The following CARMIL1 variants were observed in gnomAD, a reference collection of about 807,000 sequenced individuals.
CARMIL1 encodes F-actin-uncapping protein LRRC16A.
Under a neutral mutation model 177.1 loss-of-function variants are expected in CARMIL1, and 90 were observed. That is an observed-to-expected ratio of 0.51 (90% CI 0.43 to 0.61). The LOEUF is 0.61. CARMIL1 is among the 20% of genes least tolerant of loss of function. The pLI is 0.00. For synonymous variants in CARMIL1, 577 were observed against 606.2 expected (o/e 0.95, Z 0.71); for missense variants, 1,380 against 1,667.0 (o/e 0.83, Z 3.00).
intron 24 of CARMIL1, among the ~76,000 whole-genome samples, chr6:25,531,694 T>C (rs949043499): frequency 5.9e-5 from 9 of 152,252 alleles, no homozygotes; most frequent in African/African-American, 2.2e-4. Context: ...TAGTATTTTA[T>C]GGTTTACTAT....
intron 36 of CARMIL1, among the ~76,000 whole-genome samples, chr6:25,618,045 G>GT (rs568461109): frequency 6.6e-6 from 1 of 152,022 alleles, no homozygotes; most frequent in Non-Finnish European, 1.5e-5. Flanking sequence ...GATTTGAAAG[G>GT]TTTTTTTCCT....
intron 8 of CARMIL1, among the ~76,000 whole-genome samples, chr6:25,453,432 C>G (rs1196226594): frequency 6.6e-6 from 1 of 152,170 alleles, no homozygotes; most frequent in Non-Finnish European, 1.5e-5. Flanking sequence ...ATCACACAAA[C>G]ACTTTACATT....
intron 5 of CARMIL1, among the ~76,000 whole-genome samples, chr6:25,447,128 A>G (rs1798310808): frequency 6.6e-6 from 1 of 152,252 alleles, no homozygotes; most frequent in Admixed American, 6.5e-5. Flanking sequence ...GCTGTTGGAA[A>G]AATGGCACTG....
At chr6:25,388,720 A>G (rs1355266620) in intron 2 of CARMIL1, among the ~76,000 whole-genome samples, 1 of 151,574 alleles carries the variant, frequency 6.6e-6, no homozygotes. Context: ...TCTAGGCTGG[A>G]GTGCAATGGC....
At chr6:25,610,720 C>T (rs923011342) in intron 36 of CARMIL1, among the ~76,000 whole-genome samples, 1 of 152,176 alleles carries the variant, frequency 6.6e-6, no homozygotes, top group Non-Finnish European at 1.5e-5. Context: ...CCAGTTTGCT[C>T]CTTCTAATTT....
chr6:25,532,217 G>A (rs1457482007), intron 24 of CARMIL1, among the ~76,000 whole-genome samples: 3 of 151,680 alleles, frequency 2.0e-5, no homozygotes, highest in Admixed American at 2.0e-4. Context: ...TCCTGCCTCA[G>A]CCTGTCTTTA....
At chr6:25,469,382 A>C (rs1374860807) in intron 9 of CARMIL1, among the ~76,000 whole-genome samples, 1 of 152,216 alleles carries the variant, frequency 6.6e-6, no homozygotes. Flanking sequence ...AAAGTACTGT[A>C]ATATTTTTAT....
intron 2 of CARMIL1, among the ~76,000 whole-genome samples, chr6:25,384,197 T>G (rs1791911437): frequency 6.6e-6 from 1 of 152,180 alleles, no homozygotes; most frequent in Non-Finnish European, 1.5e-5. Context: ...CCCAATTGCC[T>G]CAATGCTTTA....
chr6:25,574,888 C>T (rs2151231546), intron 29 of CARMIL1, among the ~76,000 whole-genome samples: 1 of 152,132 alleles, frequency 6.6e-6, no homozygotes, highest in South Asian at 2.1e-4. Context: ...TAATGGCCCC[C>T]CTCCTTAATA....
chr6:25,386,116 A>T (rs1168167593), intron 2 of CARMIL1, among the ~76,000 whole-genome samples: 1 of 152,234 alleles, frequency 6.6e-6, no homozygotes, highest in Non-Finnish European at 1.5e-5. Context: ...CTGTGGGCAA[A>T]TAGCCCAAGA....
chr6:25,449,545 T>G (rs1471120183), intron 5 of CARMIL1, among the ~76,000 whole-genome samples: 2 of 152,210 alleles, frequency 1.3e-5, no homozygotes, highest in Non-Finnish European at 2.9e-5. Flanking sequence ...GATTTTTACT[T>G]TAATTAATTG....
At chr6:25,383,252 G>A (rs1347846737) in intron 2 of CARMIL1, among the ~76,000 whole-genome samples, 1 of 152,100 alleles carries the variant, frequency 6.6e-6, no homozygotes, top group African/African-American at 2.4e-5. Flanking sequence ...CTCGGATGGT[G>A]GTTTTTGAGG....
chr6:25,561,097 C>A (rs1018662852), intron 29 of CARMIL1, among the ~76,000 whole-genome samples: 3 of 152,168 alleles, frequency 2.0e-5, no homozygotes, highest in Admixed American at 6.5e-5. Context: ...TCTTTAGAAT[C>A]TTTATTGTTC....
chr6:25,574,862 T>C (rs559029195), intron 29 of CARMIL1, among the ~76,000 whole-genome samples: 1 of 152,296 alleles, frequency 6.6e-6, no homozygotes, highest in South Asian at 2.1e-4. Context: ...TTTGCTGTTA[T>C]AAATCTATTT....
intron 17 of CARMIL1, among the ~76,000 whole-genome samples, chr6:25,502,632 T>C (rs770618620): frequency 3.3e-5 from 5 of 152,160 alleles, no homozygotes; most frequent in Non-Finnish European, 7.4e-5. Context: ...ACTTCTAATG[T>C]GGTTTTACAA....
chr6:25,471,626 T>C (rs549063465), intron 10 of CARMIL1, among the ~76,000 whole-genome samples: 19 of 152,328 alleles, frequency 1.2e-4, no homozygotes, highest in East Asian at 7.7e-4. Context: ...ATTGCTAGGG[T>C]AAATGAATTA....
rs754994928 is a variant in CARMIL1, at chr6:25,488,546, C to T, written c.1026C>T (p.Leu342=). 2.9e-5 allele frequency: 46 copies of T among 1,613,996 alleles called. No homozygotes were observed. The highest frequency in any genetic ancestry group is 1.1e-4 in the East Asian group (5 of 44,884). Residue 342 remains leucine, a synonymous_variant, in exon 13 of 37, where the codon CTC becomes CTT. Transcript: ENST00000329474. ...NPLTASTLVH[L]DLSGNVLRGD... is the part of the protein sequence containing the mutation. ...TGACCGCCTCTACCCTTGTCCACCT[C>T]GACCTCTCAGGGAACGTCCTTCGTG... is the stretch of plus-strand genomic sequence containing the variant.
chr6:25,569,472 C>G (rs945186928), intron 29 of CARMIL1, among the ~76,000 whole-genome samples: 2 of 152,188 alleles, frequency 1.3e-5, no homozygotes, highest in African/African-American at 4.8e-5. Context: ...TGATTGATTA[C>G]CACAGCTCTA....
At chr6:25,534,268 G>T (rs1808069297) in intron 24 of CARMIL1, among the ~76,000 whole-genome samples, 1 of 151,992 alleles carries the variant, frequency 6.6e-6, no homozygotes, top group Non-Finnish European at 1.5e-5. Context: ...TCACAATTGT[G>T]GGGAGGAGCT....
Sources: allele counts gnomAD v4.1 joint callset (sites outside exome capture counted in the v4.1 genomes callset), GRCh38; gene constraint gnomAD v4.1.1; transcripts MANE v1.5; gene names NCBI Gene and HGNC (gene_info 2026-07-23, HGNC 2026-07-21).